MMP26: variants seen among roughly 807,000 people sequenced by gnomAD.
The protein encoded by MMP26 is matrix metallopeptidase 26.
Under a neutral mutation model 31.0 loss-of-function variants are expected in MMP26, and 33 were observed. That is an observed-to-expected ratio of 1.06 (90% CI 0.81 to 1.42). The LOEUF is 1.42. Ranked by LOEUF, MMP26 falls within the 40% of genes most tolerant of loss-of-function variation. The probability of loss-of-function intolerance (pLI) is 0.00; values close to 1 mark genes in which losing one functional copy is unlikely to be tolerated. For synonymous variants in MMP26, 122 were observed against 114.9 expected, an observed-to-expected ratio of 1.06 and a Z score of -0.40; for missense variants, 347 against 316.1, an observed-to-expected ratio of 1.10 and a Z score of -0.74.
At chr11:4,914,973 G>A (rs555852729) in intron 2 of MMP26, 2 of 1,614,126 alleles carry the variant, frequency 1.2e-6, no homozygotes, top group East Asian at 4.5e-5. Context: ...GCGATGGACA[G>A]CACGGTGCGC....
chr11:4,893,821 G>A (rs576972478), intron 2 of MMP26, among the ~76,000 whole-genome samples: 9 of 151,956 alleles, frequency 5.9e-5, no homozygotes, highest in African/African-American at 1.9e-4. Context: ...TGGCACAATG[G>A]CTCACACCTG....
chr11:4,713,681 G>A (rs971884104), intron 1 of MMP26, among the ~76,000 whole-genome samples: 2 of 152,102 alleles, frequency 1.3e-5, no homozygotes, highest in African/African-American at 4.8e-5. Flanking sequence ...GGGGCATAGA[G>A]TGAAGCACAA....
At chr11:4,840,615 C>T (rs888727426) in intron 2 of MMP26, among the ~76,000 whole-genome samples, 1 of 152,258 alleles carries the variant, frequency 6.6e-6, no homozygotes, top group Non-Finnish European at 1.5e-5. Flanking sequence ...CACAGCATTA[C>T]TGGGCTTGGG....
Position 4,882,422 on chromosome 11 carries a change from G to A in MMP26, c.-144-105646G>A, listed in dbSNP as rs200553277. 1.7e-5 allele frequency: 28 copies of A among 1,613,590 alleles called. No homozygotes were observed. In the South Asian group the frequency reaches 2.1e-4, roughly 12 times the overall value. On this transcript the variant is annotated intron_variant, in intron 2 of 7. Transcript: ENST00000380390. Reference sequence around the variant, plus strand: ...CACTGTGTCTTTTCATGGGGGTCACGAGCTTTCCCATCCATTTTGCTACCA... The same window carrying A: ...CACTGTGTCTTTTCATGGGGGTCACAAGCTTTCCCATCCATTTTGCTACCA...
chr11:4,761,337 G>C (rs1848567045), intron 1 of MMP26, among the ~76,000 whole-genome samples: 1 of 152,156 alleles, frequency 6.6e-6, no homozygotes, highest in African/African-American at 2.4e-5. Flanking sequence ...ACTTGATTTG[G>C]GCTTCAGAAA....
At chr11:4,821,336 T>C (rs1363170820) in intron 2 of MMP26, 1 of 1,413,392 alleles carries the variant, frequency 7.1e-7, no homozygotes, top group Non-Finnish European at 9.8e-7. Flanking sequence ...AATCTTGAAG[T>C]GCCAGAGAGA....
intron 2 of MMP26, among the ~76,000 whole-genome samples, chr11:4,861,828 A>G (rs76925647): frequency 0.013 from 1,916 of 152,238 alleles, 37 homozygotes; most frequent in African/African-American, 0.042. Flanking sequence ...AAACAAATAT[A>G]AATCTCATTT....
At chr11:4,877,161 CT>C (rs1850393705) in intron 2 of MMP26, 1 of 152,190 alleles carries the variant, frequency 6.6e-6, no homozygotes, top group South Asian at 2.1e-4. Flanking sequence ...CATCTATGGC[CT>C]GTTGGCTGTG....
intron 1 of MMP26, among the ~76,000 whole-genome samples, chr11:4,746,833 A>T (rs779527649): frequency 4.2e-3 from 232 of 54,818 alleles, no homozygotes; most frequent in East Asian, 7.1e-3. Context: ...AGTCTCTGTC[A>T]CACACACACA....
chr11:4,863,851 G>T (rs958002307), intron 2 of MMP26, among the ~76,000 whole-genome samples: 1 of 152,130 alleles, frequency 6.6e-6, no homozygotes, highest in Non-Finnish European at 1.5e-5. Context: ...TTATCTGTCA[G>T]ACTGTCTTCT....
intron 2 of MMP26, among the ~76,000 whole-genome samples, chr11:4,957,472 C>T (rs1162225947): frequency 1.3e-5 from 2 of 152,124 alleles, no homozygotes; most frequent in Non-Finnish European, 2.9e-5. Flanking sequence ...AATTGGGCAG[C>T]ATAGCTTCCA....
At chr11:4,884,553 C>T (rs1457478355) in intron 2 of MMP26, among the ~76,000 whole-genome samples, 1 of 152,086 alleles carries the variant, frequency 6.6e-6, no homozygotes, top group Non-Finnish European at 1.5e-5. Context: ...CATACTATGG[C>T]AGAGTCTCTG....
In MMP26 at chr11:4,710,500, C is replaced by A. The variant is rs544068096; in HGVS notation, c.-217+5455C>A. 1.1e-3 allele frequency: 488 copies of A among 426,102 alleles called. 4 individuals are homozygous for A. Among genetic ancestry groups the A allele is most frequent in the Non-Finnish European group, 8.8e-4 (183 of 208,528 alleles). 26.4% of individuals were successfully genotyped at this position (426,102 alleles called of 1,614,324 possible). A position where few individuals can be genotyped will look rare whatever the true frequency, so the allele number is the denominator to read the frequency against. On this transcript the variant is annotated intron_variant, in intron 1 of 7. Coordinates refer to ENST00000380390, the MANE Select transcript of MMP26 (RefSeq NM_021801.5). The stretch of plus-strand genomic sequence containing the variant: ...AAGGCTGTGCTCAAAGCATTTCTTT[C>A]TAAGCTAATTTAGGGAAGTTTGAGT...
intron 1 of MMP26, chr11:4,723,709 C>T: frequency 9.8e-7 from 1 of 1,024,640 alleles, no homozygotes; most frequent in Non-Finnish European, 1.5e-6. Context: ...CTTCTCCTGG[C>T]CCAGAGTGTC....
intron 2 of MMP26, among the ~76,000 whole-genome samples, chr11:4,870,313 G>A (rs1850293862): frequency 6.6e-6 from 1 of 151,956 alleles, no homozygotes; most frequent in Admixed American, 6.6e-5. Context: ...TTTAAAATAT[G>A]TTTTTAAAAC....
Position 4,923,565 on chromosome 11 carries a change from C to T in MMP26, c.-144-64503C>T, listed in dbSNP as rs766039390. 1.9e-6 allele frequency: 3 copies of T among 1,613,950 alleles called. No individual in the cohort carries two copies. The Admixed American group carries it at 5.0e-5, about 27-fold the overall frequency. Reference sequence around the variant, plus strand: ...CCAAAGCGATGCACAAGAGACAAGCCAATCATGGGGATGTAGAAGAGCAGT... The same window carrying T: ...CCAAAGCGATGCACAAGAGACAAGCTAATCATGGGGATGTAGAAGAGCAGT... On this transcript the variant is annotated intron_variant, in intron 2 of 7. Transcript: ENST00000380390.
intron 2 of MMP26, among the ~76,000 whole-genome samples, chr11:4,816,870 ATT>A (rs11443728): frequency 1.4e-5 from 2 of 144,180 alleles, no homozygotes; most frequent in East Asian, 2.0e-4. Flanking sequence ...CGCCCGGCTA[ATT>A]TTTTTTTTTT....
chr11:4,989,608 C>A, intron 3 of MMP26, 40 bp from the exon 4 acceptor site: 2 of 1,534,348 alleles, frequency 1.3e-6, no homozygotes, highest in Non-Finnish European at 1.8e-6. Context: ...TGGGTCTTCC[C>A]TATTGACTCT....
intron 2 of MMP26, among the ~76,000 whole-genome samples, chr11:4,910,965 T>C (rs1256079999): frequency 6.6e-6 from 1 of 152,206 alleles, no homozygotes; most frequent in African/African-American, 2.4e-5. Flanking sequence ...CCTTTCCTCC[T>C]GCTACAATCA....
Sources: allele counts gnomAD v4.1 joint callset (sites outside exome capture counted in the v4.1 genomes callset), GRCh38; gene constraint gnomAD v4.1.1; transcripts MANE v1.5; gene names NCBI Gene and HGNC (gene_info 2026-07-23, HGNC 2026-07-21).